Variants in CHD7 observed in about 807,000 individuals in gnomAD.
The protein encoded by CHD7 is chromodomain helicase DNA binding protein 7.
Under a neutral mutation model 307.3 loss-of-function variants are expected in CHD7, and 24 were observed. The ratio of observed to expected loss-of-function variants is 0.08; its 90% CI spans 0.06 to 0.11. The LOEUF is 0.11. Among genes scored for constraint, CHD7 ranks in the 10% least tolerant of loss-of-function variants. The pLI, the probability that CHD7 is intolerant of heterozygous loss-of-function variation, is 1.00. For missense variants in CHD7, 3,106 were observed against 3,727.1 expected (o/e 0.83, Z 4.34); for synonymous variants, 1,363 against 1,349.9 (o/e 1.01, Z -0.21).
At chr8:60,858,316 C>T (rs1182711411) in intron 34 of CHD7, among the ~76,000 whole-genome samples, 2 of 152,094 alleles carry the variant, frequency 1.3e-5, no homozygotes, top group African/African-American at 4.8e-5. Flanking sequence ...TCATAATGGT[C>T]ATATTTGTTG....
At chr8:60,856,938 G>T in intron 34 of CHD7, 50 bp downstream of exon 34, 1 of 1,486,332 alleles carries the variant, frequency 6.7e-7, no homozygotes, top group Non-Finnish European at 9.0e-7. Flanking sequence ...TGACAGCTGA[G>T]GGTCCTGTGA....
chr8:60,824,157 GT>G, intron 13 of CHD7, 141 bp downstream of exon 13: 1 of 755,462 alleles, frequency 1.3e-6, no homozygotes. Flanking sequence ...GGCACTTTCA[GT>G]TATTCAAAAG....
At position 60,865,546 on chromosome 8, in the gene CHD7, T is replaced by A; in HGVS notation, c.8607T>A (p.Ser2869=). 2 of 1,614,058 alleles carry A rather than the reference T, an allele frequency of 1.2e-6. No homozygotes were observed. Among genetic ancestry groups the A allele is most frequent in the Non-Finnish European group, 1.7e-6 (2 of 1,179,898 alleles). Residue 2869 remains serine (S), a synonymous_variant, in exon 38 of 38, where the codon TCT becomes TCA. Transcript: ENST00000423902. This position sits in a 1 kb window ranked among gnomAD's most constrained non-coding sequence, Gnocchi z 4.3. ...CAGATGCTGTTTCGGCTGCTGACTC[T>A]GCGAATGGATCTGTTGGTGCTGCTA... ...KSTDAVSAAD[S]ANGSVGAATA... is the part of the protein sequence containing the mutation.
In CHD7 at chr8:60,852,725, A is replaced by G. The variant is rs566990784; in HGVS notation, c.6103+19A>G. On this transcript the variant is annotated intron_variant, in intron 30 of 37. Transcript: ENST00000423902. ...GATGATGGTAGGTACATTTAGCAAC[A>G]AAGTTCTATACAAAAAGACGAGTAA... is the stretch of plus-strand genomic sequence containing the variant. The G allele has an allele frequency of 4.6e-5, 75 of 1,613,598 alleles. No individual in the cohort carries two copies. In the South Asian group the frequency reaches 7.9e-4, roughly 17 times the overall value.
At chr8:60,858,706 C>T (rs1270302055) in intron 34 of CHD7, among the ~76,000 whole-genome samples, 3 of 152,170 alleles carry the variant, frequency 2.0e-5, no homozygotes, top group Non-Finnish European at 2.9e-5. Flanking sequence ...CTTCTGGGCT[C>T]AATTGATTCT....
intron 3 of CHD7, among the ~76,000 whole-genome samples, chr8:60,790,015 C>T (rs147155293): frequency 6.6e-6 from 1 of 152,272 alleles, no homozygotes; most frequent in East Asian, 1.9e-4. Flanking sequence ...CTGAGCACAT[C>T]CAGCTACCCA....
chr8:60,843,994 AAC>A (rs1239126786), intron 21 of CHD7, among the ~76,000 whole-genome samples: 17 of 152,180 alleles, frequency 1.1e-4, no homozygotes, highest in Admixed American at 3.3e-4. Context: ...CTCTGCTCCA[AAC>A]ACAACTCTCA....
intron 4 of CHD7, among the ~76,000 whole-genome samples, chr8:60,795,613 A>G (rs539709687): frequency 2.0e-5 from 3 of 152,336 alleles, no homozygotes; most frequent in South Asian, 4.1e-4. Flanking sequence ...ATGTAATACT[A>G]AAGTTTCTAT....
chr8:60,720,691 G>A (rs1474948806), intron 1 of CHD7, among the ~76,000 whole-genome samples: 1 of 152,224 alleles, frequency 6.6e-6, no homozygotes. Flanking sequence ...TCTGAAAGCA[G>A]TCTCAGGGAT....
chr8:60,778,108 G>T (rs531345963), intron 2 of CHD7, among the ~76,000 whole-genome samples: 1 of 151,626 alleles, frequency 6.6e-6, no homozygotes, highest in Admixed American at 6.6e-5. Flanking sequence ...GGGGTGGAGG[G>T]GGGGACATGG....
intron 21 of CHD7, among the ~76,000 whole-genome samples, chr8:60,843,222 A>G (rs1805050511): frequency 6.6e-6 from 1 of 152,180 alleles, no homozygotes; most frequent in South Asian, 2.1e-4. Flanking sequence ...GTTCAACAGA[A>G]GTCCATCATT....
At chr8:60,863,557 A>C (rs1014625276) in intron 37 of CHD7, 1 of 152,178 alleles carries the variant, frequency 6.6e-6, no homozygotes, top group Non-Finnish European at 1.5e-5. Flanking sequence ...TGGTGTGAAC[A>C]TAAGTTTTCA....
In CHD7 at chr8:60,738,770, G is replaced by T. The variant is rs74749001; in HGVS notation, c.-174-2489G>T. Among the ~76,000 whole-genome samples the T allele has an allele frequency of 1.7e-3, 259 of 152,228 alleles. 1 individual carries two copies. The East Asian group carries it at 0.024, about 14-fold the overall frequency. ...ATGGCAGACTGCAAAGCCAGTTTTT[G>T]AACTTCTCTGCCTGGACCTTACCTG... On this transcript the variant is annotated intron_variant, in intron 1 of 37. Coordinates refer to ENST00000423902, the MANE Select transcript of CHD7 (RefSeq NM_017780.4).
chr8:60,824,162 T>A lies in CHD7; in HGVS notation c.3378+146T>A, dbSNP rs925044639. 25 of 715,198 alleles carry A rather than the reference T, an allele frequency of 3.5e-5. No individual in the cohort carries two copies. In the African/African-American group the frequency reaches 4.2e-4, roughly 12 times the overall value. 44.3% of individuals were successfully genotyped at this position (715,198 alleles called of 1,614,324 possible). ...TATATTCTCTGGCACTTTCAGTTATTCAAAAGTTGTTGCCTTTTGGATTCT... is the reference window on the plus strand; with the variant it reads ...TATATTCTCTGGCACTTTCAGTTATACAAAAGTTGTTGCCTTTTGGATTCT... On this transcript the variant is annotated intron_variant, in intron 13 of 37. Transcript: ENST00000423902.
chr8:60,864,889 C>A, intron 37 of CHD7, 127 bp from the exon 38 acceptor site: 1 of 882,298 alleles, frequency 1.1e-6, no homozygotes, highest in Non-Finnish European at 1.7e-6. Flanking sequence ...TATCATTGAG[C>A]TGTTAGGAGG....
intron 6 of CHD7, among the ~76,000 whole-genome samples, chr8:60,807,516 T>C (rs911204890): frequency 2.6e-5 from 4 of 152,238 alleles, no homozygotes; most frequent in African/African-American, 9.6e-5. Context: ...TAGATAATCT[T>C]ACTACTGAAA....
At chr8:60,822,201 AG>A in intron 11 of CHD7, 56 bp downstream of exon 11, 1 of 1,447,972 alleles carries the variant, frequency 6.9e-7, no homozygotes, top group Non-Finnish European at 9.3e-7. Flanking sequence ...CCTTTCCTTT[AG>A]TTATTGAAAA....
chr8:60,724,107 A>G (rs1321149567), intron 1 of CHD7, among the ~76,000 whole-genome samples: 2 of 152,308 alleles, frequency 1.3e-5, no homozygotes, highest in Non-Finnish European at 2.9e-5. Flanking sequence ...CAGAGATTCT[A>G]GAGGCATGAC....
chr8:60,816,113 GTCTCTC>G lies in CHD7; in HGVS notation c.2499-238_2499-233del, dbSNP rs201056061. 6.0e-3 allele frequency among the ~76,000 whole-genome samples: 829 copies of G among 139,216 alleles called. 4 individuals carry two copies. Among genetic ancestry groups the G allele is most frequent in the Admixed American group, 9.0e-3 (126 of 14,060 alleles). The allele number at this position is 139,216 out of a possible 152,430, so 91.3% of individuals were successfully genotyped here. On this transcript the variant is annotated intron_variant, in intron 7 of 37. Coordinates refer to ENST00000423902, the MANE Select transcript of CHD7 (RefSeq NM_017780.4). The stretch of plus-strand genomic sequence containing the variant: ...GTCTCTTTTGTCTGTCTGTCTGTCT[GTCTCTC>G]TCTCTCTCTCTCTCTCTCTCTCTCT...
Sources: allele counts gnomAD v4.1 joint callset (sites outside exome capture counted in the v4.1 genomes callset), GRCh38; gene constraint gnomAD v4.1.1; non-coding constraint Gnocchi (gnomAD v3.1); transcripts MANE v1.5; gene names NCBI Gene and HGNC (gene_info 2026-07-23, HGNC 2026-07-21).